MSL3: variants seen among roughly 807,000 people sequenced by gnomAD.
MSL3 encodes MSL complex subunit 3, also known as MSL3-like 1.
Under a neutral mutation model 37.2 loss-of-function variants are expected in MSL3, and 5 were observed. The ratio of observed to expected loss-of-function variants is 0.13; its 90% CI spans 0.07 to 0.28. The LOEUF (loss-of-function observed/expected upper bound fraction) is 0.28, where lower values mean the gene tolerates loss of function less well. MSL3 is among the 10% of genes least tolerant of loss of function. The pLI is 1.00. For synonymous variants in MSL3, 149 were observed against 147.6 expected (o/e 1.01, Z -0.07); for missense variants, 315 against 408.5 (o/e 0.77, Z 1.97).
intron 12 of MSL3, among the ~76,000 whole-genome samples, chrX:11,774,766 G>C (rs778960233): frequency 9.0e-6 from 1 of 111,096 alleles, no homozygotes; most frequent in East Asian, 2.8e-4. Context: ...TTGTACACCT[G>C]ATGATGGTGA....
chrX:11,769,935 G>C (rs1337087858), intron 10 of MSL3, among the ~76,000 whole-genome samples: 2 of 112,625 alleles, frequency 1.8e-5, no homozygotes, highest in African/African-American at 6.5e-5. Flanking sequence ...GATGGGAAGA[G>C]AAGTCACAAA....
intron 1 of MSL3, chrX:11,758,777 C>G (rs1352382079): frequency 3.7e-5 from 43 of 1,164,163 alleles, no homozygotes; most frequent in Non-Finnish European, 4.7e-5. Flanking sequence ...GATCCAGGTT[C>G]TAATTCATAG....
intron 10 of MSL3, among the ~76,000 whole-genome samples, chrX:11,769,825 C>G (rs752816746): frequency 1.8e-5 from 2 of 112,161 alleles, no homozygotes; most frequent in South Asian, 7.4e-4. Flanking sequence ...AGCCTGGTCA[C>G]CAACTCCTGA....
In MSL3 at chrX:11,772,265, C is replaced by T. The variant is rs1399536034; in HGVS notation, c.1381+10C>T. On this transcript the variant is annotated intron_variant, in intron 11 of 12. Coordinates refer to ENST00000312196, the MANE Select transcript of MSL3 (RefSeq NM_078629.4). The stretch of plus-strand genomic sequence containing the variant: ...TTGCTGCGATTGTTTGGTAAGAATC[C>T]TGGTTCCTGCCTTCTTTCCATTTTT... The T allele has an allele frequency of 8.7e-7, 1 of 1,151,560 alleles. No homozygotes were observed. The highest frequency in any genetic ancestry group is 1.2e-6 in the Non-Finnish European group (1 of 842,435). 94.9% of individuals were successfully genotyped at this position (1,151,560 alleles called of 1,213,427 possible).
Position 11,762,255 on chromosome X carries a change from A to T in MSL3, c.588+3A>T. 1 of 1,147,329 alleles carries T rather than the reference A, an allele frequency of 8.7e-7. No homozygotes were observed. Among genetic ancestry groups the T allele is most frequent in the South Asian group, 2.1e-5 (1 of 46,816 alleles). The allele number at this position is 1,147,329 out of a possible 1,213,427, so 94.6% of individuals were successfully genotyped here. ...ACTACATTAACAGGAGGAAACGGGT[A>T]TGTAGGGAGAATGTATAAAACATTA... is the stretch of plus-strand genomic sequence containing the variant. On this transcript the variant is annotated splice_donor_region_variant and intron_variant, in intron 6 of 12. Coordinates refer to ENST00000312196, the MANE Select transcript of MSL3 (RefSeq NM_078629.4).
At chrX:11,768,501 C>T (rs972152569) in intron 9 of MSL3, 72 bp from the exon 10 acceptor site, 1 of 666,346 alleles carries the variant, frequency 1.5e-6, no homozygotes, top group East Asian at 3.3e-5. Flanking sequence ...TTATGTTCTG[C>T]AGTTTTTAAC....
chrX:11,771,760 T>C (rs1327779814), intron 10 of MSL3, among the ~76,000 whole-genome samples: 1 of 111,664 alleles, frequency 9.0e-6, no homozygotes, highest in Non-Finnish European at 1.9e-5. Context: ...TTTGTATTTT[T>C]AGTAGAGATG....
chrX:11,759,604 G>T (rs751714489), intron 1 of MSL3, 189 bp from the exon 2 acceptor site: 21 of 1,064,149 alleles, frequency 2.0e-5, no homozygotes, highest in Non-Finnish European at 2.4e-5. Flanking sequence ...GTGGTTGGAC[G>T]GATGTTTCCT....
chrX:11,768,697 A>T lies in MSL3; in HGVS notation c.1281+15A>T. ...AAATAAACGAGGTAAAGAATGTTTG[A>T]TGTTTGTTCCCAATGGTTCCTTTAT... is the stretch of plus-strand genomic sequence containing the variant. On this transcript the variant is annotated intron_variant, in intron 10 of 12. Coordinates refer to ENST00000312196, the MANE Select transcript of MSL3 (RefSeq NM_078629.4). 2 of 1,077,295 alleles carry T rather than the reference A, an allele frequency of 1.9e-6. No homozygotes were observed. Among genetic ancestry groups the T allele is most frequent in the Non-Finnish European group, 2.6e-6 (2 of 773,555 alleles). The allele number at this position is 1,077,295 out of a possible 1,213,427, so 88.8% of individuals were successfully genotyped here.
Position 11,758,242 on chromosome X carries a change from C to T in MSL3, c.-22C>T, listed in dbSNP as rs748016646. The T allele has an allele frequency of 7.3e-6, 7 of 963,765 alleles. No homozygotes were observed. In the African/African-American group the frequency reaches 1.1e-4, roughly 15 times the overall value. The allele number at this position is 963,765 out of a possible 1,213,427, so 79.4% of individuals were successfully genotyped here. A position where few individuals can be genotyped will look rare whatever the true frequency, so the allele number is the denominator to read the frequency against. On this transcript the variant is annotated 5_prime_UTR_variant, in exon 1 of 13. Transcript: ENST00000312196. ...GCGCGCTCCGCCCGCCCCGGAGCCT[C>T]GCCCTCCGCCACGATGAGCAAATGA...
chrX:11,761,997 C>T (rs1298106521), intron 5 of MSL3, 133 bp from the exon 6 acceptor site: 19 of 495,758 alleles, frequency 3.8e-5, no homozygotes, highest in Non-Finnish European at 5.5e-5. Flanking sequence ...TGGCCTTTAA[C>T]ATACTTTTAA....
chrX:11,758,444 C>A (rs1156805157), intron 1 of MSL3, 79 bp downstream of exon 1: 3 of 935,899 alleles, frequency 3.2e-6, no homozygotes, highest in African/African-American at 4.2e-5. Flanking sequence ...CGGACGGCCG[C>A]GCGGAGCTGA....
At chrX:11,758,533 C>T (rs1034937536) in intron 1 of MSL3, 168 bp downstream of exon 1, 261 of 1,061,366 alleles carry the variant, frequency 2.5e-4, no homozygotes, top group Middle Eastern at 3.8e-4. Context: ...GCCCGGGAGT[C>T]GGGGCGGGGT....
At position 11,775,286 on chromosome X, in the gene MSL3, G is replaced by A. The variant is rs1049673618; in HGVS notation, c.*207G>A. 1.8e-5 allele frequency: 7 copies of A among 379,757 alleles called. No individual in the cohort carries two copies. The highest frequency in any genetic ancestry group is 3.2e-5 in the Non-Finnish European group (7 of 219,806). 31.3% of individuals were successfully genotyped at this position (379,757 alleles called of 1,213,427 possible). A position where few individuals can be genotyped will look rare whatever the true frequency, so the allele number is the denominator to read the frequency against. Reference sequence around the variant, plus strand: ...CTGAAAGTGCTCTGACACGACACTTGTTACTTTGCAGGCCATCTGTGATGG... The same window carrying A: ...CTGAAAGTGCTCTGACACGACACTTATTACTTTGCAGGCCATCTGTGATGG... On this transcript the variant is annotated 3_prime_UTR_variant, in exon 13 of 13. Transcript: ENST00000312196.
chrX:11,771,746 A>G (rs756875871), intron 10 of MSL3, among the ~76,000 whole-genome samples: 1 of 111,102 alleles, frequency 9.0e-6, no homozygotes, highest in African/African-American at 3.3e-5. Context: ...CACCTGGCTA[A>G]TTTTTTGTAT....
Position 11,772,083 on chromosome X carries a change from T to C in MSL3, c.1282-73T>C, listed in dbSNP as rs944296004. 31 of 694,027 alleles carry C rather than the reference T, an allele frequency of 4.5e-5. No homozygotes were observed. The East Asian group carries it at 5.2e-4, about 12-fold the overall frequency. 57.2% of individuals were successfully genotyped at this position (694,027 alleles called of 1,213,427 possible). A position where few individuals can be genotyped will look rare whatever the true frequency, so the allele number is the denominator to read the frequency against. Reference sequence around the variant, plus strand: ...TTTTTCCCCTCTACGTACAATTTACTGTCATAATTGTTAGGTGGTTGGAAG... The same window carrying C: ...TTTTTCCCCTCTACGTACAATTTACCGTCATAATTGTTAGGTGGTTGGAAG... On this transcript the variant is annotated intron_variant, in intron 10 of 12. Coordinates refer to ENST00000312196, the MANE Select transcript of MSL3 (RefSeq NM_078629.4).
intron 2 of MSL3, 184 bp downstream of exon 2, chrX:11,760,059 T>A: frequency 2.0e-6 from 1 of 491,419 alleles, no homozygotes; most frequent in Non-Finnish European, 3.2e-6. Flanking sequence ...TTTCCTGTCT[T>A]TACTTTGTAG....
chrX:11,768,787 C>T, intron 10 of MSL3, 105 bp downstream of exon 10: 2 of 524,652 alleles, frequency 3.8e-6, no homozygotes. Context: ...GCTGCTATTA[C>T]TGTAAACATT....
At chrX:11,768,335 C>T (rs775767191) in intron 9 of MSL3, 8 of 278,388 alleles carry the variant, frequency 2.9e-5, no homozygotes, top group Non-Finnish European at 4.4e-5. Flanking sequence ...TTGTGATTGG[C>T]TCCATTCACT....
Sources: allele counts gnomAD v4.1 joint callset (sites outside exome capture counted in the v4.1 genomes callset), GRCh38; gene constraint gnomAD v4.1.1; transcripts MANE v1.5; gene names NCBI Gene and HGNC (gene_info 2026-07-23, HGNC 2026-07-21).